Variants in SACM1L observed in about 807,000 individuals in gnomAD.
The protein encoded by SACM1L is SAC1 like phosphatidylinositide phosphatase.
Under a neutral mutation model 89.5 loss-of-function variants are expected in SACM1L, and 32 were observed. The observed-to-expected ratio is 0.36, with a 90% CI of 0.27 to 0.48. SACM1L has a LOEUF of 0.48. SACM1L is among the 20% of genes least tolerant of loss of function. SACM1L has a pLI of 0.99. For missense variants in SACM1L, 543 were observed against 708.5 expected, an observed-to-expected ratio of 0.77 and a Z score of 2.65; for synonymous variants, 213 against 232.8, an observed-to-expected ratio of 0.92 and a Z score of 0.77.
At chr3:45,729,073 GATTT>G (rs201695617) in intron 11 of SACM1L, among the ~76,000 whole-genome samples, 2 of 151,166 alleles carry the variant, frequency 1.3e-5, no homozygotes, top group South Asian at 2.1e-4. Flanking sequence ...TACCTTTTTG[GATTT>G]ATTTATTTAT....
intron 1 of SACM1L, chr3:45,690,490 A>G (rs193295021): frequency 6.6e-5 from 10 of 152,356 alleles, no homozygotes; most frequent in Admixed American, 3.3e-4. Flanking sequence ...TTTGCAGGGA[A>G]ATGACACCAA....
intron 11 of SACM1L, among the ~76,000 whole-genome samples, chr3:45,725,306 T>C (rs78527176): frequency 1.5e-3 from 233 of 151,574 alleles, no homozygotes; most frequent in Admixed American, 3.3e-3. Flanking sequence ...ATAATATTGT[T>C]AGTCCATCAA....
chr3:45,696,817 A>G (rs924517623), intron 1 of SACM1L, among the ~76,000 whole-genome samples: 3 of 152,210 alleles, frequency 2.0e-5, no homozygotes. Context: ...GTTTTCAGAC[A>G]CTAGAAAATC....
intron 19 of SACM1L, among the ~76,000 whole-genome samples, chr3:45,741,027 T>TAAAGAAG (rs1287524575): frequency 1.3e-5 from 2 of 152,258 alleles, no homozygotes; most frequent in Non-Finnish European, 2.9e-5. Flanking sequence ...AAGAATGTAT[T>TAAAGAAG]CTTTATTCTC....
At chr3:45,699,887 G>C (rs1252053077) in intron 1 of SACM1L, among the ~76,000 whole-genome samples, 1 of 151,982 alleles carries the variant, frequency 6.6e-6, no homozygotes, top group East Asian at 1.9e-4. Flanking sequence ...TGACTTTTGT[G>C]CTCTTATAAA....
rs1277124455 is a variant in SACM1L at position 45,714,093 on chromosome 3, A to T, written c.577+14A>T. ...TGTTACATGGCTGTATCCTTACATG[A>T]TATTACTCTTTAGTTTCTAGATGCC... is the stretch of plus-strand genomic sequence containing the variant. On this transcript the variant is annotated intron_variant, in intron 7 of 19. Coordinates refer to ENST00000389061, the MANE Select transcript of SACM1L (RefSeq NM_014016.5). The T allele has an allele frequency of 6.0e-6, 9 of 1,508,632 alleles. No homozygotes were observed. The highest frequency in any genetic ancestry group is 7.2e-6 in the Non-Finnish European group (8 of 1,112,906). The allele number at this position is 1,508,632 out of a possible 1,614,324, so 93.5% of individuals were successfully genotyped here. A position where few individuals can be genotyped will look rare whatever the true frequency, so the allele number is the denominator to read the frequency against.
intron 1 of SACM1L, among the ~76,000 whole-genome samples, chr3:45,693,761 G>A (rs1698059138): frequency 6.6e-6 from 1 of 152,182 alleles, no homozygotes; most frequent in Non-Finnish European, 1.5e-5. Context: ...TAGTTGACAT[G>A]TCCATATTAA....
At chr3:45,707,470 A>G (rs868417867) in intron 4 of SACM1L, among the ~76,000 whole-genome samples, 3 of 152,244 alleles carry the variant, frequency 2.0e-5, no homozygotes, top group Non-Finnish European at 2.9e-5. Context: ...TGAAGAATTA[A>G]CCCACCAAAG....
intron 12 of SACM1L, 141 bp downstream of exon 12, chr3:45,731,521 C>T: frequency 2.1e-6 from 1 of 465,746 alleles, no homozygotes; most frequent in Non-Finnish European, 3.8e-6. Context: ...ATTTTGTTGG[C>T]TTGAAATTTC....
chr3:45,708,506 A>T (rs1232257638), intron 4 of SACM1L, among the ~76,000 whole-genome samples: 1 of 152,088 alleles, frequency 6.6e-6, no homozygotes, highest in Non-Finnish European at 1.5e-5. Flanking sequence ...ATTTTAAAAA[A>T]TAAAATTATA....
At chr3:45,697,326 G>T (rs908009257) in intron 1 of SACM1L, among the ~76,000 whole-genome samples, 1 of 142,828 alleles carries the variant, frequency 7.0e-6, no homozygotes, top group Non-Finnish European at 1.5e-5. Flanking sequence ...GCCCAGGCTG[G>T]AGTGTAGTGG....
chr3:45,696,438 A>C (rs1698129948), intron 1 of SACM1L, among the ~76,000 whole-genome samples: 1 of 152,224 alleles, frequency 6.6e-6, no homozygotes. Flanking sequence ...GAGTATACAA[A>C]TACCTTTTTG....
chr3:45,703,410 G>A (rs1197232028), intron 1 of SACM1L, 28 bp from the exon 2 acceptor site: 2 of 1,442,152 alleles, frequency 1.4e-6, no homozygotes, highest in East Asian at 2.3e-5. Context: ...CATTTGGTTA[G>A]TTATTTATGT....
chr3:45,714,707 C>G (rs749450962), intron 7 of SACM1L, among the ~76,000 whole-genome samples: 11 of 152,082 alleles, frequency 7.2e-5, no homozygotes, highest in Non-Finnish European at 1.6e-4. Flanking sequence ...AGAATATTGC[C>G]TAAGGGAGAA....
At chr3:45,702,286 A>G (rs1434437440) in intron 1 of SACM1L, among the ~76,000 whole-genome samples, 1 of 152,200 alleles carries the variant, frequency 6.6e-6, no homozygotes. Flanking sequence ...CTTATACACA[A>G]TTGGTAAATA....
At chr3:45,742,155 C>T (rs191641577) in intron 19 of SACM1L, among the ~76,000 whole-genome samples, 2 of 152,302 alleles carry the variant, frequency 1.3e-5, no homozygotes, top group Admixed American at 1.3e-4. Context: ...TAGGGAGTGT[C>T]CAGCAGAGTG....
chr3:45,694,725 T>G (rs1400559475), intron 1 of SACM1L, among the ~76,000 whole-genome samples: 2 of 152,148 alleles, frequency 1.3e-5, no homozygotes, highest in Non-Finnish European at 2.9e-5. Context: ...CCTGGTAGTT[T>G]TTATGCACTC....
chr3:45,692,809 T>C (rs1036077096), intron 1 of SACM1L, among the ~76,000 whole-genome samples: 2 of 152,230 alleles, frequency 1.3e-5, no homozygotes, highest in Admixed American at 6.5e-5. Context: ...TACAGTGCAT[T>C]TACTTTCTCA....
At chr3:45,694,178 T>TTTTTTC (rs1164689624) in intron 1 of SACM1L, among the ~76,000 whole-genome samples, 2 of 152,196 alleles carry the variant, frequency 1.3e-5, no homozygotes, top group Non-Finnish European at 2.9e-5. Flanking sequence ...TTTCTTCTTT[T>TTTTTTC]TTTTTCTTTT....
Sources: allele counts gnomAD v4.1 joint callset (sites outside exome capture counted in the v4.1 genomes callset), GRCh38; gene constraint gnomAD v4.1.1; transcripts MANE v1.5; gene names NCBI Gene and HGNC (gene_info 2026-07-23, HGNC 2026-07-21).